PTPRG: variants seen among roughly 807,000 people sequenced by gnomAD.
PTPRG encodes the protein receptor-type tyrosine-protein phosphatase gamma.
A neutral mutation model predicts 165.3 loss-of-function variants in PTPRG; 102 were observed. The ratio of observed to expected loss-of-function variants is 0.62; its 90% CI spans 0.53 to 0.73. PTPRG has a LOEUF of 0.73. PTPRG is among the 30% of genes least tolerant of loss of function. PTPRG has a pLI of 0.00. For synonymous variants in PTPRG, 675 were observed against 669.5 expected (o/e 1.01, Z -0.13); for missense variants, 1,866 against 1,861.4 (o/e 1.00, Z -0.05).
chr3:61,797,213 A>G (rs1353395997), intron 2 of PTPRG, among the ~76,000 whole-genome samples: 1 of 152,202 alleles, frequency 6.6e-6, no homozygotes, highest in Non-Finnish European at 1.5e-5. Flanking sequence ...GGATTAAACC[A>G]TTTAACAGAT....
intron 1 of PTPRG, among the ~76,000 whole-genome samples, chr3:61,650,205 T>A (rs1702313320): frequency 6.6e-6 from 1 of 152,204 alleles, no homozygotes; most frequent in African/African-American, 2.4e-5. Flanking sequence ...TGAGAAATTA[T>A]CTTTTAATAC....
At chr3:61,986,540 T>A (rs374238773) in intron 2 of PTPRG, among the ~76,000 whole-genome samples, 1 of 152,178 alleles carries the variant, frequency 6.6e-6, no homozygotes, top group African/African-American at 2.4e-5. Context: ...TACATTCCCT[T>A]AGTACTTAGA....
At chr3:61,568,907 CAAAAA>C (rs34433806) in intron 1 of PTPRG, among the ~76,000 whole-genome samples, 1 of 131,018 alleles carries the variant, frequency 7.6e-6, no homozygotes. Context: ...GACTCCGTCT[CAAAAA>C]AAAAAAAAAA....
chr3:61,825,285 T>TA (rs2036073668), intron 2 of PTPRG, among the ~76,000 whole-genome samples: 2 of 152,228 alleles, frequency 1.3e-5, no homozygotes. Context: ...TGTTTTATTT[T>TA]AAAGACCAGT....
chr3:62,240,894 C>A lies in PTPRG; in HGVS notation c.2376-2913C>A, dbSNP rs1342028986. Among the ~76,000 whole-genome samples, 1 of 152,158 alleles carries A rather than the reference C, an allele frequency of 6.6e-6. No individual in the cohort carries two copies. Among genetic ancestry groups the A allele is most frequent in the Non-Finnish European group, 1.5e-5 (1 of 68,022 alleles). On this transcript the variant is annotated intron_variant, in intron 14 of 29. Coordinates refer to ENST00000474889, the MANE Select transcript of PTPRG (RefSeq NM_002841.4). This position sits in a 1 kb window ranked among gnomAD's most constrained non-coding sequence, Gnocchi z 5.1. ...CTTCATTGCTCTTGACTATTTGAAGCAATTTATTTGCTTGTTGTGGATTTT... is the reference window on the plus strand; with the variant it reads ...CTTCATTGCTCTTGACTATTTGAAGAAATTTATTTGCTTGTTGTGGATTTT...
At chr3:62,200,976 C>T (rs373933246) in intron 10 of PTPRG, among the ~76,000 whole-genome samples, 21 of 152,242 alleles carry the variant, frequency 1.4e-4, no homozygotes, top group East Asian at 7.7e-4. Context: ...TGGTGTAATA[C>T]GATTCCAGTT....
At position 62,203,641 on chromosome 3, in the gene PTPRG, G is replaced by A. The variant is rs534149617; in HGVS notation, c.1846G>A (p.Glu616Lys). ...GAAGAGTGGGGTGACCCACGCTGCC[G>A]AGGAGCGGAATCAGACGGAGCCCAG... ...KEKSGVTHAAEERNQTEPSPT... is the reference protein window; with the variant it reads ...KEKSGVTHAAKERNQTEPSPT... Residue 616 changes from glutamate (E) to lysine (K), a missense_variant, in exon 12 of 30, where the codon GAG (glutamate) becomes AAG (lysine). Physicochemically the swap from Glu to Lys is moderately conservative, Grantham distance 56. Transcript: ENST00000474889. The surrounding 1 kb of genome is among the most constrained non-coding windows in gnomAD (Gnocchi z 6.4). The A allele has an allele frequency of 5.8e-6, 9 of 1,558,724 alleles. No homozygotes were observed. Among genetic ancestry groups the A allele is most frequent in the South Asian group, 3.5e-5 (3 of 84,664 alleles).
At chr3:62,183,644 C>A (rs115424360) in intron 8 of PTPRG, among the ~76,000 whole-genome samples, 1,719 of 151,948 alleles carry the variant, frequency 0.011, 14 homozygotes, top group Middle Eastern at 0.038. Context: ...TGTATATTTC[C>A]AGCATCCTGT....
At chr3:62,201,899 A>G (rs1355844742) in intron 11 of PTPRG, among the ~76,000 whole-genome samples, 11 of 152,176 alleles carry the variant, frequency 7.2e-5, no homozygotes, top group Non-Finnish European at 1.6e-4. Flanking sequence ...TCATTTGCGT[A>G]AAGTTATATG....
At chr3:61,583,749 C>T (rs1700363540) in intron 1 of PTPRG, among the ~76,000 whole-genome samples, 1 of 152,180 alleles carries the variant, frequency 6.6e-6, no homozygotes, top group Admixed American at 6.5e-5. Context: ...AAGACATCCT[C>T]ATCTTTCTCA....
At chr3:62,056,789 C>A (rs1369348101) in intron 4 of PTPRG, among the ~76,000 whole-genome samples, 2 of 152,178 alleles carry the variant, frequency 1.3e-5, no homozygotes, top group Non-Finnish European at 2.9e-5. Flanking sequence ...AACTGTGCCA[C>A]CCTGTCACTT....
chr3:61,909,998 A>T (rs2038760007), intron 2 of PTPRG, among the ~76,000 whole-genome samples: 1 of 152,006 alleles, frequency 6.6e-6, no homozygotes, highest in South Asian at 2.1e-4. Flanking sequence ...GTTTTGCTTT[A>T]CTTCATTTTT....
chr3:62,016,809 C>G (rs2041555331), intron 4 of PTPRG, among the ~76,000 whole-genome samples: 1 of 152,132 alleles, frequency 6.6e-6, no homozygotes, highest in Non-Finnish European at 1.5e-5. Flanking sequence ...CCTCATTCAC[C>G]CCCACACTTC....
intron 1 of PTPRG, among the ~76,000 whole-genome samples, chr3:61,607,206 C>T (rs1452160823): frequency 6.6e-6 from 1 of 152,190 alleles, no homozygotes; most frequent in Non-Finnish European, 1.5e-5. Context: ...CTGTGTACCT[C>T]CTTCCTTGAC....
At chr3:61,754,373 T>A (rs2033562036) in intron 2 of PTPRG, among the ~76,000 whole-genome samples, 1 of 152,210 alleles carries the variant, frequency 6.6e-6, no homozygotes, top group African/African-American at 2.4e-5. Context: ...ATTACCTGTG[T>A]GGCTCTTCAT....
chr3:62,181,864 T>C (rs6779796), intron 8 of PTPRG, among the ~76,000 whole-genome samples: 2,593 of 151,902 alleles, frequency 0.017, 35 homozygotes, highest in African/African-American at 0.039. Flanking sequence ...ATGAAGGAAA[T>C]TTTGAAATGC....
intron 2 of PTPRG, among the ~76,000 whole-genome samples, chr3:61,811,659 T>G (rs1344675008): frequency 1.3e-5 from 2 of 152,218 alleles, no homozygotes; most frequent in Non-Finnish European, 2.9e-5. Flanking sequence ...AAAACACAAC[T>G]TCAGCTTTCA....
intron 2 of PTPRG, among the ~76,000 whole-genome samples, chr3:61,936,532 G>A (rs372521355): frequency 3.9e-5 from 6 of 152,038 alleles, no homozygotes; most frequent in Admixed American, 1.3e-4. Context: ...CCCCCTACCC[G>A]CCCCCTACTG....
At chr3:61,995,854 C>G (rs1174269000) in intron 3 of PTPRG, among the ~76,000 whole-genome samples, 5 of 151,916 alleles carry the variant, frequency 3.3e-5, no homozygotes, top group African/African-American at 1.2e-4. Context: ...ACTGCAACCT[C>G]TGACTATTCT....
Sources: gnomAD v4.1 joint callset for allele counts (sites outside exome capture counted in the v4.1 genomes callset) on GRCh38, gnomAD v4.1.1 for gene constraint, Gnocchi (gnomAD v3.1) non-coding constraint, MANE v1.5 for transcripts, NCBI Gene and HGNC (gene_info 2026-07-23, HGNC 2026-07-21) for gene names.